Variants in NUP93 observed in about 807,000 individuals in gnomAD.
NUP93 encodes the protein nuclear pore complex protein Nup93.
Under a neutral mutation model 107.8 loss-of-function variants are expected in NUP93, and 55 were observed. The observed-to-expected ratio is 0.51, with a 90% CI of 0.41 to 0.64. The LOEUF (loss-of-function observed/expected upper bound fraction) is 0.64. Among genes scored for constraint, NUP93 ranks in the 30% least tolerant of loss-of-function variants. The pLI is 0.00. For synonymous variants in NUP93, 390 were observed against 397.5 expected (o/e 0.98, Z 0.22); for missense variants, 937 against 1,044.7 (o/e 0.90, Z 1.42).
At chr16:56,844,433 A>G in intron 21 of NUP93, 66 bp from the exon 22 acceptor site, 2 of 932,468 alleles carry the variant, frequency 2.1e-6, no homozygotes, top group Non-Finnish European at 3.0e-6. Flanking sequence ...AGGATGGAAG[A>G]ATATGGAATA....
chr16:56,781,321 A>G (rs1962509848), intron 3 of NUP93, among the ~76,000 whole-genome samples: 2 of 152,210 alleles, frequency 1.3e-5, no homozygotes. Flanking sequence ...AACAGTATCA[A>G]AATCTTTTAA....
intron 6 of NUP93, among the ~76,000 whole-genome samples, chr16:56,819,378 A>G (rs1963498091): frequency 6.6e-6 from 1 of 152,204 alleles, no homozygotes; most frequent in South Asian, 2.1e-4. Context: ...GCTTTATTGT[A>G]ATTTGCTGCT....
At chr16:56,795,078 T>C (rs1278618253) in intron 3 of NUP93, among the ~76,000 whole-genome samples, 2 of 151,186 alleles carry the variant, frequency 1.3e-5, no homozygotes, top group South Asian at 2.1e-4. Flanking sequence ...AAAGAAAATA[T>C]TAGACCAGGC....
rs374100747 is a variant in NUP93, at chr16:56,838,347, C to T, written c.2019-605C>T. On this transcript the variant is annotated intron_variant, in intron 18 of 21. Transcript: ENST00000308159. ...CAAACAATCCCCAGTGAGGGCTGCT[C>T]GGCTTTTTGCCCATCACGACCTCCC... Among the ~76,000 whole-genome samples, 161 of 152,270 alleles carry T rather than the reference C, an allele frequency of 1.1e-3. No homozygotes were observed. In the South Asian group the frequency reaches 0.03, roughly 29 times the overall value.
intron 12 of NUP93, 34 bp downstream of exon 12, chr16:56,832,422 C>T (rs1236012217): frequency 6.5e-7 from 1 of 1,537,098 alleles, no homozygotes; most frequent in Non-Finnish European, 9.0e-7. Context: ...TTTCCCTTCT[C>T]TTGTCCACTT....
intron 8 of NUP93, among the ~76,000 whole-genome samples, chr16:56,825,665 A>G (rs1444428714): frequency 6.6e-6 from 1 of 151,948 alleles, no homozygotes; most frequent in Non-Finnish European, 1.5e-5. Flanking sequence ...AAGCCAGTCC[A>G]TTTCTTTTAG....
chr16:56,823,772 T>C lies in NUP93; in HGVS notation c.720T>C (p.Asp240=). 1 of 1,614,204 alleles carries C rather than the reference T, an allele frequency of 6.2e-7. No homozygotes were observed. Among genetic ancestry groups the C allele is most frequent in the Non-Finnish European group, 8.5e-7 (1 of 1,180,014 alleles). The change falls in exon 8 of 22, where the codon GAT becomes GAC. Residue 240 remains aspartate, a synonymous_variant. Transcript: ENST00000308159. The stretch of plus-strand genomic sequence containing the variant: ...ACGTGTTGTTGACACCGGCAACGGA[T>C]GCCCTGAAGAACCGCAGCAGCGTGG... The part of the protein sequence containing the change: ...MTDVLLTPAT[D]ALKNRSSVEV...
chr16:56,808,019 C>CTCAAAAAATATATATAAATATATATATT (rs1963182054), intron 5 of NUP93, among the ~76,000 whole-genome samples: 1 of 142,874 alleles, frequency 7.0e-6, no homozygotes, highest in African/African-American at 2.6e-5. Flanking sequence ...GCAACTCCGT[C>CTCAAAAAATATATATAAATATATATATT]TCAAAAAATA....
intron 3 of NUP93, among the ~76,000 whole-genome samples, chr16:56,788,466 G>A (rs1156995254): frequency 1.3e-5 from 2 of 152,176 alleles, no homozygotes; most frequent in Non-Finnish European, 2.9e-5. Context: ...CTGCTGAGAA[G>A]CATTTTTTCC....
chr16:56,830,938 G>A (rs16962611), intron 10 of NUP93, among the ~76,000 whole-genome samples: 1,876 of 152,236 alleles, frequency 0.012, 60 homozygotes, highest in Admixed American at 0.073. Flanking sequence ...TACAAGGGAG[G>A]GCCAGGTTTA....
intron 5 of NUP93, among the ~76,000 whole-genome samples, chr16:56,808,519 T>TATAA (rs2144581952): frequency 8.2e-6 from 1 of 122,552 alleles, no homozygotes; most frequent in African/African-American, 3.4e-5. Flanking sequence ...GTTATGTAAC[T>TATAA]ATATATAAAT....
intron 9 of NUP93, 79 bp downstream of exon 9, chr16:56,829,188 G>A: frequency 2.6e-6 from 4 of 1,509,738 alleles, no homozygotes; most frequent in Non-Finnish European, 1.8e-6. Flanking sequence ...GTTAAAATGA[G>A]GGTATCTGTG....
rs773991392 is a variant in NUP93 at position 56,829,062 on chromosome 16, C to A, written c.880C>A (p.Arg294=). ...GGVPGTYQLV[R]SFLNIKLPAP... The stretch of plus-strand genomic sequence containing the variant: ...GGTGCCTGGGACTTACCAATTGGTT[C>A]GAAGTTTCCTGAACATTAAACTGCC... The change falls in exon 9 of 22, where the codon CGA becomes AGA. Residue 294 remains arginine, a synonymous_variant. Transcript: ENST00000308159. 5.6e-6 allele frequency: 9 copies of A among 1,613,196 alleles called. No homozygotes were observed. In the South Asian group the frequency reaches 8.8e-5, roughly 16 times the overall value.
chr16:56,821,630 C>A, intron 7 of NUP93, 37 bp downstream of exon 7: 1 of 1,445,728 alleles, frequency 6.9e-7, no homozygotes, highest in Non-Finnish European at 9.7e-7. Flanking sequence ...AAACCGGGGT[C>A]CAGTGTTCCG....
intron 6 of NUP93, among the ~76,000 whole-genome samples, chr16:56,819,745 T>G (rs1963505983): frequency 6.6e-6 from 1 of 152,244 alleles, no homozygotes; most frequent in African/African-American, 2.4e-5. Context: ...AATTACCTGG[T>G]TAGCTGATGG....
intron 3 of NUP93, among the ~76,000 whole-genome samples, chr16:56,768,994 C>T (rs747792156): frequency 5.3e-5 from 8 of 152,126 alleles, no homozygotes; most frequent in Non-Finnish European, 1.2e-4. Flanking sequence ...ATTTAATCTT[C>T]CCAGCAACCC....
intron 3 of NUP93, among the ~76,000 whole-genome samples, chr16:56,760,041 A>G (rs1392328117): frequency 1.3e-5 from 2 of 152,214 alleles, no homozygotes; most frequent in African/African-American, 4.8e-5. Flanking sequence ...TTGAGTCATA[A>G]TGATCATTTC....
chr16:56,741,551 T>C (rs1961739922), intron 1 of NUP93, among the ~76,000 whole-genome samples: 2 of 152,236 alleles, frequency 1.3e-5, no homozygotes, highest in South Asian at 4.1e-4. Flanking sequence ...TTTCTTTTAC[T>C]GTTATTAAAA....
chr16:56,770,449 A>G (rs1962298313), intron 3 of NUP93, among the ~76,000 whole-genome samples: 2 of 152,204 alleles, frequency 1.3e-5, no homozygotes. Flanking sequence ...TGAGATGACA[A>G]AAACATTAAA....
Sources: allele counts gnomAD v4.1 joint callset (sites outside exome capture counted in the v4.1 genomes callset), GRCh38; gene constraint gnomAD v4.1.1; transcripts MANE v1.5; gene names NCBI Gene and HGNC (gene_info 2026-07-23, HGNC 2026-07-21).